The following STIM1 variants were observed in gnomAD, a reference collection of about 807,000 sequenced individuals.
STIM1 encodes the protein stromal interaction molecule 1.
A neutral mutation model predicts 74.7 loss-of-function variants in STIM1; 25 were observed. That is an observed-to-expected ratio of 0.33 (90% CI 0.24 to 0.47). STIM1 has a LOEUF of 0.47. Among genes scored for constraint, STIM1 ranks in the 20% least tolerant of loss-of-function variants. The pLI, the probability that STIM1 is intolerant of heterozygous loss-of-function variation, is 1.00. For synonymous variants in STIM1, 328 were observed against 348.8 expected, an observed-to-expected ratio of 0.94 and a Z score of 0.66; for missense variants, 728 against 920.8, an observed-to-expected ratio of 0.79 and a Z score of 2.71.
chr11:3,962,749 T>A (rs2093300653), intron 1 of STIM1, among the ~76,000 whole-genome samples: 1 of 152,204 alleles, frequency 6.6e-6, no homozygotes, highest in African/African-American at 2.4e-5. Context: ...ATCTGTTGTT[T>A]ATTGACTTTT....
At chr11:3,982,153 A>G (rs1256433088) in intron 2 of STIM1, among the ~76,000 whole-genome samples, 2 of 128,640 alleles carry the variant, frequency 1.6e-5, no homozygotes, top group Non-Finnish European at 3.6e-5. Context: ...CAGCCTCCTG[A>G]GTAGCTGGGA....
chr11:3,950,652 G>T (rs949957357), intron 1 of STIM1, among the ~76,000 whole-genome samples: 1 of 151,992 alleles, frequency 6.6e-6, no homozygotes, highest in African/African-American at 2.4e-5. Flanking sequence ...TTGAGAGAAG[G>T]TCTCGCTCTG....
intron 1 of STIM1, among the ~76,000 whole-genome samples, chr11:3,923,038 G>C (rs1483614357): frequency 6.6e-6 from 1 of 151,012 alleles, no homozygotes; most frequent in African/African-American, 2.4e-5. Context: ...GGCGGAGCTT[G>C]CAGTGAGCAG....
intron 2 of STIM1, among the ~76,000 whole-genome samples, chr11:4,013,870 A>G (rs919543744): frequency 1.3e-5 from 2 of 150,920 alleles, no homozygotes; most frequent in African/African-American, 4.9e-5. Context: ...ATGCCTGGCT[A>G]ATTTTTTTGT....
At chr11:3,958,022 T>C (rs1025714265) in intron 1 of STIM1, among the ~76,000 whole-genome samples, 19 of 152,254 alleles carry the variant, frequency 1.2e-4, no homozygotes, top group African/African-American at 4.6e-4. Context: ...CGTGCCATCA[T>C]GCCCAGCTAA....
In STIM1 at chr11:3,898,086, C is replaced by T. The variant is rs527331236; in HGVS notation, c.139+41677C>T. On this transcript the variant is annotated intron_variant, in intron 1 of 12. Coordinates refer to ENST00000526596, the MANE Select transcript of STIM1 (RefSeq NM_001382567.1). ...TAGTTCTAGATCCTTGAGGAATCGC[C>T]ACACTGACTTCCACAATGGTTGAAC... Among the ~76,000 whole-genome samples the T allele has an allele frequency of 7.7e-3, 1,169 of 152,254 alleles. 13 individuals are homozygous for T. The highest frequency in any genetic ancestry group is 0.027 in the African/African-American group (1,123 of 41,516).
chr11:3,983,686 C>G (rs1203918309), intron 2 of STIM1, among the ~76,000 whole-genome samples: 10 of 152,154 alleles, frequency 6.6e-5, no homozygotes, highest in African/African-American at 2.4e-4. Flanking sequence ...CTCTCTGATT[C>G]CCATGGCTGC....
At chr11:3,987,668 C>T (rs2093569656) in intron 2 of STIM1, among the ~76,000 whole-genome samples, 1 of 152,176 alleles carries the variant, frequency 6.6e-6, no homozygotes, top group Non-Finnish European at 1.5e-5. Context: ...ATAGTAACTA[C>T]TCAGTAAATA....
At chr11:4,074,456 C>A in intron 6 of STIM1, 46 bp from the exon 7 acceptor site, 1 of 1,608,536 alleles carries the variant, frequency 6.2e-7, no homozygotes, top group South Asian at 1.1e-5. Flanking sequence ...TGTTGGCTGG[C>A]ACCCCCTTGC....
At chr11:4,036,141 A>C (rs2094100175) in intron 3 of STIM1, among the ~76,000 whole-genome samples, 1 of 152,162 alleles carries the variant, frequency 6.6e-6, no homozygotes, top group Admixed American at 6.5e-5. Flanking sequence ...TTTGCTGAGG[A>C]TAACAGCTTC....
At chr11:4,060,499 G>A (rs1314804575) in intron 5 of STIM1, among the ~76,000 whole-genome samples, 1 of 152,174 alleles carries the variant, frequency 6.6e-6, no homozygotes, top group African/African-American at 2.4e-5. Context: ...GAGCAACCTG[G>A]GAGAAGACTA....
intron 1 of STIM1, among the ~76,000 whole-genome samples, chr11:3,958,893 C>T (rs1196765028): frequency 2.0e-5 from 3 of 150,020 alleles, no homozygotes; most frequent in East Asian, 2.0e-4. Context: ...TGCAGTGAGT[C>T]GAGATCAAGC....
upstream of STIM1, chr11:3,855,505 G>C (rs1034533465): frequency 6.6e-6 from 1 of 152,010 alleles, no homozygotes; most frequent in African/African-American, 2.4e-5. Flanking sequence ...GCCCGCTAGG[G>C]GCGGGGATTC....
Position 3,957,444 on chromosome 11 carries a change from A to T in STIM1, c.140-10108A>T, listed in dbSNP as rs113039822. ...GCTAATTTTTTTGTATTTTTAGTAG[A>T]TATGGGCTTTCACCATGTTGGCCAG... On this transcript the variant is annotated intron_variant, in intron 1 of 12. Transcript: ENST00000526596. Among the ~76,000 whole-genome samples the T allele has an allele frequency of 7.9e-3, 1,194 of 151,958 alleles. 17 individuals carry two copies. Among genetic ancestry groups the T allele is most frequent in the African/African-American group, 0.028 (1,140 of 41,440 alleles).
chr11:3,952,071 C>G (rs2093155834), intron 1 of STIM1, among the ~76,000 whole-genome samples: 1 of 152,124 alleles, frequency 6.6e-6, no homozygotes, highest in African/African-American at 2.4e-5. Context: ...GGGCTAGACA[C>G]AGGGGAATAC....
At chr11:4,074,438 T>G in intron 6 of STIM1, 64 bp from the exon 7 acceptor site, 2 of 1,589,410 alleles carry the variant, frequency 1.3e-6, no homozygotes, top group Non-Finnish European at 1.7e-6. Flanking sequence ...ATGCCATGAC[T>G]CATGGCATGT....
chr11:4,091,851 C>T lies in STIM1; in HGVS notation c.*53C>T. The T allele has an allele frequency of 6.3e-7, 1 of 1,595,334 alleles. No homozygotes were observed. Among genetic ancestry groups the T allele is most frequent in the Non-Finnish European group, 8.5e-7 (1 of 1,177,612 alleles). ...GCTTGTCCTTCCCTGGGTGTTCTGT[C>T]TCTCCTTCCCTCCCTTCCTTCAAGA... On this transcript the variant is annotated 3_prime_UTR_variant, in exon 13 of 13. Transcript: ENST00000526596.
At chr11:3,988,024 C>T (rs558256004) in intron 2 of STIM1, among the ~76,000 whole-genome samples, 18 of 152,244 alleles carry the variant, frequency 1.2e-4, no homozygotes, top group African/African-American at 3.6e-4. Flanking sequence ...ATAAGGAACA[C>T]GTGATGAGCT....
At chr11:3,871,322 G>A (rs1282046953) in intron 1 of STIM1, among the ~76,000 whole-genome samples, 2 of 152,162 alleles carry the variant, frequency 1.3e-5, no homozygotes, top group African/African-American at 4.8e-5. Context: ...GGTAAGTCCT[G>A]GCTTGGGACA....
Sources: allele counts gnomAD v4.1 joint callset (sites outside exome capture counted in the v4.1 genomes callset), GRCh38; gene constraint gnomAD v4.1.1; transcripts MANE v1.5; gene names NCBI Gene and HGNC (gene_info 2026-07-23, HGNC 2026-07-21).